Variants in BARD1 observed in about 807,000 individuals in gnomAD.
The protein encoded by BARD1 is BRCA1 associated RING domain 1, also known as BRCA1-associated RING domain protein 1.
In BARD1, 73 loss-of-function variants were observed where a neutral mutation model predicts 77.0. The ratio of observed to expected loss-of-function variants is 0.95; its 90% CI spans 0.79 to 1.15. The LOEUF (loss-of-function observed/expected upper bound fraction) is 1.15. Among genes scored for constraint, BARD1 ranks in the 50% most tolerant of loss-of-function variants. The probability of loss-of-function intolerance (pLI) is 0.00; values close to 1 mark genes in which losing one functional copy is unlikely to be tolerated. For missense variants in BARD1, 993 were observed against 938.8 expected (o/e 1.06, Z -0.75); for synonymous variants, 384 against 338.0 (o/e 1.14, Z -1.49).
intron 3 of BARD1, among the ~76,000 whole-genome samples, chr2:214,787,259 T>C (rs1448929388): frequency 3.3e-5 from 5 of 151,912 alleles, no homozygotes; most frequent in African/African-American, 1.2e-4. Flanking sequence ...AGAAATTTCA[T>C]ACTCAGGTGT....
chr2:214,807,274 C>A (rs1489477594), intron 1 of BARD1, among the ~76,000 whole-genome samples: 1 of 151,922 alleles, frequency 6.6e-6, no homozygotes, highest in African/African-American at 2.4e-5. Flanking sequence ...GTGAGCCATG[C>A]TAAAAGTCTG....
At chr2:214,757,842 G>A (rs1344676969) in intron 6 of BARD1, among the ~76,000 whole-genome samples, 2 of 152,050 alleles carry the variant, frequency 1.3e-5, no homozygotes, top group African/African-American at 2.4e-5. Flanking sequence ...GAAGAAAAGC[G>A]GGTACACAAA....
chr2:214,751,445 G>A (rs7582415), intron 7 of BARD1, among the ~76,000 whole-genome samples: 17,754 of 151,554 alleles, frequency 0.12, 1,470 homozygotes, highest in Non-Finnish European at 0.17. Context: ...TTACAGGTGC[G>A]ATCCACTGCA....
chr2:214,745,635 A>G, intron 8 of BARD1, 87 bp downstream of exon 8: 1 of 1,520,862 alleles, frequency 6.6e-7, no homozygotes, highest in Admixed American at 1.7e-5. Flanking sequence ...TGGTTAAAAC[A>G]TATGTAAATT....
In BARD1 at chr2:214,745,855, C is replaced by A. The variant is rs767208318; in HGVS notation, c.1678-1G>T. On this transcript the variant is annotated splice_acceptor_variant, in intron 7 of 10. Transcript: ENST00000260947. LOFTEE classifies it high-confidence loss of function. ...CATCCCTACGCTGCCCAGTGTTCAT[C>A]TGTTAATATAAAAGGAGATACCAGT... The A allele has an allele frequency of 6.2e-7, 1 of 1,613,966 alleles. No homozygotes were observed. Among genetic ancestry groups the A allele is most frequent in the East Asian group, 2.2e-5 (1 of 44,848 alleles).
At chr2:214,805,837 A>T (rs75020680) in intron 1 of BARD1, among the ~76,000 whole-genome samples, 8,522 of 152,272 alleles carry the variant, frequency 0.056, 434 homozygotes, top group African/African-American at 0.14. Context: ...TTGATTAAAA[A>T]GGCCCACGTT....
rs1692387548 is a variant in BARD1, at chr2:214,732,250, G to A, written c.1904-1742C>T. 2.0e-5 allele frequency among the ~76,000 whole-genome samples: 3 copies of A among 152,302 alleles called. No homozygotes were observed. The South Asian group carries it at 6.2e-4, about 32-fold the overall frequency. On this transcript the variant is annotated intron_variant, in intron 9 of 10. Transcript: ENST00000260947. ...CTCGGCATGTAAACTGCATATGCCT[G>A]CAAAAGGGCTCCTTTCTTGACTAAA...
At chr2:214,752,328 G>A (rs1299463460) in intron 7 of BARD1, 119 bp downstream of exon 7, 3 of 786,450 alleles carry the variant, frequency 3.8e-6, no homozygotes, top group Middle Eastern at 3.4e-4. Flanking sequence ...CTCAGGAAGT[G>A]CTCAATAATT....
chr2:214,801,947 C>A (rs1445751526), intron 1 of BARD1, among the ~76,000 whole-genome samples: 1 of 150,080 alleles, frequency 6.7e-6, no homozygotes, highest in Non-Finnish European at 1.5e-5. Context: ...GAGCTTTGAA[C>A]TCCTGAGCTG....
At position 214,726,311 on chromosome 2, in the gene BARD1, G is replaced by C. The variant is rs1206296398; in HGVS notation, c.*2365C>G. 1.0e-5 allele frequency: 2 copies of C among 200,088 alleles called. No individual in the cohort carries two copies. The highest frequency in any genetic ancestry group is 2.1e-5 in the Non-Finnish European group (2 of 97,008). 12.4% of individuals were successfully genotyped at this position (200,088 alleles called of 1,614,324 possible). A position where few individuals can be genotyped will look rare whatever the true frequency, so the allele number is the denominator to read the frequency against. On this transcript the variant is annotated 3_prime_UTR_variant, in exon 11 of 11. Transcript: ENST00000260947. ...CAGCTGTCAAGGAAAAAGGGAAACA[G>C]TTATAAATTCAAGTAGAACTAGAAA...
intron 4 of BARD1, among the ~76,000 whole-genome samples, chr2:214,780,103 A>C (rs1433347501): frequency 6.6e-6 from 1 of 152,184 alleles, no homozygotes; most frequent in East Asian, 1.9e-4. Context: ...TGATAGTCAA[A>C]TGTCCCGGTC....
chr2:214,755,219 AT>A (rs773189686), intron 6 of BARD1, among the ~76,000 whole-genome samples: 24 of 152,204 alleles, frequency 1.6e-4, no homozygotes, highest in Non-Finnish European at 3.1e-4. Context: ...GAAGTCAGTG[AT>A]AAATACATTA....
intron 6 of BARD1, among the ~76,000 whole-genome samples, chr2:214,759,392 C>A (rs918978237): frequency 2.6e-5 from 4 of 152,192 alleles, no homozygotes; most frequent in Admixed American, 2.6e-4. Context: ...CTGGGATGTA[C>A]AGAGGGCAGT....
Position 214,727,523 on chromosome 2 carries a change from T to C in BARD1, c.*1153A>G, listed in dbSNP as rs1378906153. 4 of 232,100 alleles carry C rather than the reference T, an allele frequency of 1.7e-5. No homozygotes were observed. Among genetic ancestry groups the C allele is most frequent in the African/African-American group, 8.8e-5 (4 of 45,284 alleles). The allele number at this position is 232,100 out of a possible 1,614,324, so 14.4% of individuals were successfully genotyped here. On this transcript the variant is annotated 3_prime_UTR_variant, in exon 11 of 11. Transcript: ENST00000260947. ...TTCAAAATAATCTAATGTATCCTTG[T>C]CGATTCATGAATGAGAGCACCCAGA...
intron 6 of BARD1, among the ~76,000 whole-genome samples, chr2:214,760,803 C>G (rs1693921860): frequency 6.9e-6 from 1 of 145,224 alleles, no homozygotes; most frequent in African/African-American, 2.6e-5. Context: ...TAGATGGAGT[C>G]TCGCTCTGTC....
At chr2:214,744,093 A>G (rs146924789) in intron 9 of BARD1, among the ~76,000 whole-genome samples, 1 of 152,326 alleles carries the variant, frequency 6.6e-6, no homozygotes, top group Non-Finnish European at 1.5e-5. Context: ...TTAACTATTA[A>G]GGAGTAGAAA....
intron 7 of BARD1, among the ~76,000 whole-genome samples, chr2:214,749,183 GAA>G (rs5838469): frequency 0.024 from 3,344 of 140,260 alleles, 130 homozygotes; most frequent in African/African-American, 0.082. Flanking sequence ...CTAGTTCCTG[GAA>G]AAAAAAAAAA....
At chr2:214,767,855 T>C (rs986263609) in intron 5 of BARD1, among the ~76,000 whole-genome samples, 3 of 152,140 alleles carry the variant, frequency 2.0e-5, no homozygotes, top group African/African-American at 7.2e-5. Context: ...GTGTAACTCA[T>C]AAAAAAAGAA....
At chr2:214,751,117 G>A (rs78409661) in intron 7 of BARD1, among the ~76,000 whole-genome samples, 177 of 16,086 alleles carry the variant, frequency 0.011, no homozygotes, top group Middle Eastern at 0.033. Context: ...GTGTGTGTGT[G>A]TATATATATA....
Sources: allele counts gnomAD v4.1 joint callset (sites outside exome capture counted in the v4.1 genomes callset), GRCh38; gene constraint gnomAD v4.1.1; transcripts MANE v1.5; gene names NCBI Gene and HGNC (gene_info 2026-07-23, HGNC 2026-07-21).